SPMIP4: variants seen among roughly 807,000 people sequenced by gnomAD.
SPMIP4 encodes sperm-associated microtubule inner protein 4.
At chr7:25,131,269 G>A in the SPMIP4 span, among the ~76,000 whole-genome samples, 8 of 152,150 alleles carry the variant, frequency 5.3e-5, no homozygotes, top group South Asian at 2.1e-4. The surrounding 1 kb of genome is among the most constrained non-coding windows in gnomAD (Gnocchi z 4.2). Context: ...ACAAGCTCAG[G>A]GCTCCCACTG....
the SPMIP4 span, chr7:25,136,755 C>T: frequency 9.3e-5 from 150 of 1,613,580 alleles, no homozygotes; most frequent in Middle Eastern, 3.3e-4. The surrounding 1 kb of genome is among the most constrained non-coding windows in gnomAD (Gnocchi z 5.7). Context: ...GTCCTTCCAA[C>T]GGTCTGGGAG....
At chr7:25,161,362 T>C in the SPMIP4 span, 3 of 523,454 alleles carry the variant, frequency 5.7e-6, no homozygotes, top group Non-Finnish European at 6.7e-6. Context: ...TCCACATATA[T>C]GTAGAAATTC....
At chr7:25,137,275 T>C in the SPMIP4 span, among the ~76,000 whole-genome samples, 1 of 146,804 alleles carries the variant, frequency 6.8e-6, no homozygotes, top group Admixed American at 6.7e-5. Flanking sequence ...AGAAGGCCTG[T>C]AGTGGGCCCC....
chr7:25,148,785 T>C, the SPMIP4 span, among the ~76,000 whole-genome samples: 2 of 152,206 alleles, frequency 1.3e-5, no homozygotes, highest in South Asian at 4.1e-4. Flanking sequence ...TCTGGCCATC[T>C]CTTTTTCTTT....
the SPMIP4 span, among the ~76,000 whole-genome samples, chr7:25,152,717 TCCTC>T: frequency 6.0e-5 from 9 of 150,468 alleles, no homozygotes; most frequent in South Asian, 2.1e-4. Flanking sequence ...CTCTTCCTTT[TCCTC>T]CCTCCCTCCC....
chr7:25,161,375 T>C, the SPMIP4 span: 2 of 491,142 alleles, frequency 4.1e-6, no homozygotes, highest in South Asian at 4.1e-5. Context: ...AGAAATTCAA[T>C]ATATGAAAAG....
the SPMIP4 span, among the ~76,000 whole-genome samples, chr7:25,178,715 C>G: frequency 6.6e-6 from 1 of 152,286 alleles, no homozygotes; most frequent in South Asian, 2.1e-4. Context: ...CAGATAATTG[C>G]CACGTTTTGC....
At chr7:25,143,730 T>TACAGGCCTGTACC in the SPMIP4 span, among the ~76,000 whole-genome samples, 2 of 152,026 alleles carry the variant, frequency 1.3e-5, no homozygotes, top group Non-Finnish European at 2.9e-5. Flanking sequence ...CAGCCTGGAC[T>TACAGGCCTGTACC]ACAGGCCTGT....
the SPMIP4 span, among the ~76,000 whole-genome samples, chr7:25,169,410 A>G: frequency 6.6e-6 from 1 of 152,048 alleles, no homozygotes; most frequent in Non-Finnish European, 1.5e-5. Flanking sequence ...CTCGGCAACT[A>G]TTATACTAAT....
the SPMIP4 span, chr7:25,136,782 G>A: frequency 3.1e-6 from 5 of 1,607,220 alleles, no homozygotes; most frequent in South Asian, 3.3e-5. The surrounding 1 kb of genome is among the most constrained non-coding windows in gnomAD (Gnocchi z 5.7). Context: ...AGACAGGGTG[G>A]AATTTTTCTT....
the SPMIP4 span, among the ~76,000 whole-genome samples, chr7:25,148,900 T>C: frequency 1.3e-5 from 2 of 152,236 alleles, no homozygotes. Flanking sequence ...TCAGAGACTC[T>C]GCCGCCGCCA....
At chr7:25,157,249 A>G in the SPMIP4 span, among the ~76,000 whole-genome samples, 1 of 152,222 alleles carries the variant, frequency 6.6e-6, no homozygotes, top group Non-Finnish European at 1.5e-5. Flanking sequence ...TGAATAAATA[A>G]ACAAATGGAG....
At chr7:25,175,850 C>T in the SPMIP4 span, among the ~76,000 whole-genome samples, 1 of 152,150 alleles carries the variant, frequency 6.6e-6, no homozygotes, top group African/African-American at 2.4e-5. Flanking sequence ...CTGTTATCAC[C>T]GTCCAGAGCC....
chr7:25,146,626 A>G, the SPMIP4 span, among the ~76,000 whole-genome samples: 1 of 152,180 alleles, frequency 6.6e-6, no homozygotes, highest in African/African-American at 2.4e-5. Flanking sequence ...TGGCAGGTGG[A>G]TCAAGAAGAA....
chr7:25,162,443 A>G, the SPMIP4 span, among the ~76,000 whole-genome samples: 1 of 152,278 alleles, frequency 6.6e-6, no homozygotes, highest in South Asian at 2.1e-4. Context: ...TAAAGAACCA[A>G]CAAGAATCTA....
chr7:25,169,450 C>T, the SPMIP4 span, among the ~76,000 whole-genome samples: 1 of 152,168 alleles, frequency 6.6e-6, no homozygotes, highest in East Asian at 1.9e-4. Context: ...CTATTCTGGA[C>T]ATTTCCTGTA....
At chr7:25,168,931 C>T in the SPMIP4 span, among the ~76,000 whole-genome samples, 1 of 151,636 alleles carries the variant, frequency 6.6e-6, no homozygotes, top group African/African-American at 2.4e-5. Context: ...CTCACCATGT[C>T]GGCCAGGCTG....
chr7:25,156,621 T>A, the SPMIP4 span, among the ~76,000 whole-genome samples: 1 of 152,160 alleles, frequency 6.6e-6, no homozygotes, highest in African/African-American at 2.4e-5. Context: ...GGATACTGGG[T>A]GCTCAGATCT....
the SPMIP4 span, among the ~76,000 whole-genome samples, chr7:25,140,543 C>A: frequency 2.0e-5 from 3 of 152,046 alleles, no homozygotes; most frequent in African/African-American, 7.2e-5. Context: ...CTCAGGTGGT[C>A]CACCCGCCTC....
Sources: allele counts gnomAD v4.1 joint callset (sites outside exome capture counted in the v4.1 genomes callset), GRCh38; gene constraint gnomAD v4.1.1; non-coding constraint Gnocchi (gnomAD v3.1); transcripts MANE v1.5; gene names NCBI Gene and HGNC (gene_info 2026-07-23, HGNC 2026-07-21).